AIG1: variants seen among roughly 807,000 people sequenced by gnomAD.
AIG1 encodes androgen induced 1.
AIG1 carries 23 observed loss-of-function variants against 31.4 expected under a neutral mutation model. That is an observed-to-expected ratio of 0.73 (90% CI 0.53 to 1.04). The LOEUF (loss-of-function observed/expected upper bound fraction) is 1.04. Ranked by LOEUF, AIG1 falls within the 50% of genes least tolerant of loss-of-function variation. The pLI is 0.00. For missense variants in AIG1, 274 were observed against 295.0 expected (o/e 0.93, Z 0.52); for synonymous variants, 100 against 110.5 (o/e 0.90, Z 0.60).
At position 143,149,532 on chromosome 6, in the gene AIG1, CAAAAAAAA is replaced by C. The variant is rs71767812; in HGVS notation, c.297+12560_297+12567del. 1.6e-3 allele frequency among the ~76,000 whole-genome samples: 64 copies of C among 40,020 alleles called. No individual in the cohort carries two copies. The East Asian group carries it at 0.022, about 14-fold the overall frequency. The allele number at this position is 40,020 out of a possible 152,430, so 26.3% of individuals were successfully genotyped here. A position where few individuals can be genotyped will look rare whatever the true frequency, so the allele number is the denominator to read the frequency against. On this transcript the variant is annotated intron_variant, in intron 2 of 5. Coordinates refer to ENST00000357847, the MANE Select transcript of AIG1 (RefSeq NM_016108.4). ...TGGGAGAGAGAGTGAGACTCTGTCT[CAAAAAAAA>C]AAAAAAAAAAAAAAAAAGAAAGAAA...
At position 143,258,626 on chromosome 6, in the gene AIG1, A is replaced by G. The variant is rs1237091962; in HGVS notation, c.400-25484A>G. ...GGGGCATGAAGTAGAATAGAGAAAGAAACCAAGGAAGGAACTAGCACAGTT... is the reference window on the plus strand; with the variant it reads ...GGGGCATGAAGTAGAATAGAGAAAGGAACCAAGGAAGGAACTAGCACAGTT... On this transcript the variant is annotated intron_variant, in intron 3 of 5. Transcript: ENST00000357847. This position sits in a 1 kb window ranked among gnomAD's most constrained non-coding sequence, Gnocchi z 4.7. 6.6e-6 allele frequency among the ~76,000 whole-genome samples: 1 copy of G among 152,272 alleles called. No homozygotes were observed. The highest frequency in any genetic ancestry group is 2.4e-5 in the African/African-American group (1 of 41,474).
intron 4 of AIG1, among the ~76,000 whole-genome samples, chr6:143,300,498 T>C (rs1473114359): frequency 6.6e-6 from 1 of 152,182 alleles, no homozygotes; most frequent in Non-Finnish European, 1.5e-5. Context: ...GGATTCCCAG[T>C]GTAATCTAGC....
chr6:143,142,254 T>C (rs76742073), intron 2 of AIG1, among the ~76,000 whole-genome samples: 1 of 151,976 alleles, frequency 6.6e-6, no homozygotes. Flanking sequence ...AAAAATTATT[T>C]TGGAGACAGG....
chr6:143,185,340 T>C (rs1789159041), intron 3 of AIG1, among the ~76,000 whole-genome samples: 1 of 152,168 alleles, frequency 6.6e-6, no homozygotes, highest in African/African-American at 2.4e-5. Flanking sequence ...ATGCCTCTTC[T>C]TAAGGTGCAG....
At chr6:143,216,832 A>T (rs1792069285) in intron 3 of AIG1, among the ~76,000 whole-genome samples, 1 of 152,162 alleles carries the variant, frequency 6.6e-6, no homozygotes, top group South Asian at 2.1e-4. Flanking sequence ...GAGAGGAGGA[A>T]TCTCAAACAG....
chr6:143,339,661 G>A lies in AIG1; in HGVS notation c.702G>A (p.Lys234=). Residue 234 remains lysine (K), a synonymous_variant, in exon 6 of 6, where the codon AAG becomes AAA. Transcript: ENST00000357847. The stretch of plus-strand genomic sequence containing the variant: ...TAGGTATGGAAGAAGAGAAAGAAAA[G>A]CCTAAATTGGAATGAGATCCAAGTC... ...TQKSMEEEKE[K]PKLE The A allele has an allele frequency of 6.2e-7, 1 of 1,613,204 alleles. No individual in the cohort carries two copies. Among genetic ancestry groups the A allele is most frequent in the Non-Finnish European group, 8.5e-7 (1 of 1,179,650 alleles).
intron 1 of AIG1, among the ~76,000 whole-genome samples, chr6:143,088,349 A>G (rs1778992081): frequency 6.6e-6 from 1 of 152,170 alleles, no homozygotes; most frequent in South Asian, 2.1e-4. Flanking sequence ...TAGAATAGGA[A>G]AATATACTCT....
chr6:143,098,060 A>C (rs1284995688), intron 1 of AIG1, among the ~76,000 whole-genome samples: 2 of 152,162 alleles, frequency 1.3e-5, no homozygotes, highest in African/African-American at 4.8e-5. Context: ...CTCTCATCTT[A>C]CACGAAACAA....
chr6:143,138,493 T>C (rs1049971013), intron 2 of AIG1, among the ~76,000 whole-genome samples: 1 of 152,182 alleles, frequency 6.6e-6, no homozygotes, highest in African/African-American at 2.4e-5. Context: ...ATTATATATA[T>C]CATGTATACA....
intron 1 of AIG1, among the ~76,000 whole-genome samples, chr6:143,103,501 C>CTTTTTTTTT (rs1173435325): frequency 2.4e-5 from 2 of 84,210 alleles, no homozygotes; most frequent in East Asian, 4.0e-4. Flanking sequence ...CAGAAGTTTT[C>CTTTTTTTTT]TTTTTTTTTT....
chr6:143,337,721 G>A (rs1056327022), intron 5 of AIG1, among the ~76,000 whole-genome samples: 2 of 152,132 alleles, frequency 1.3e-5, no homozygotes, highest in Non-Finnish European at 2.9e-5. Flanking sequence ...AGCTACCCGT[G>A]CAGGTCATTT....
intron 1 of AIG1, among the ~76,000 whole-genome samples, chr6:143,110,773 A>G (rs1781202596): frequency 1.3e-5 from 2 of 152,210 alleles, no homozygotes; most frequent in African/African-American, 4.8e-5. Flanking sequence ...CCTTAAAGGC[A>G]GCAGATGTGT....
intron 1 of AIG1, among the ~76,000 whole-genome samples, chr6:143,122,843 C>T (rs1013804761): frequency 1.3e-5 from 2 of 152,168 alleles, no homozygotes; most frequent in Non-Finnish European, 2.9e-5. Flanking sequence ...TTCCCTCCCA[C>T]CATACCTGTG....
chr6:143,128,495 A>G (rs964269718), intron 1 of AIG1, among the ~76,000 whole-genome samples: 23 of 152,228 alleles, frequency 1.5e-4, no homozygotes, highest in African/African-American at 5.3e-4. Context: ...AACGTAAAAT[A>G]ATAAGAGCAA....
intron 3 of AIG1, among the ~76,000 whole-genome samples, chr6:143,167,598 T>C (rs1324238986): frequency 6.6e-6 from 1 of 152,194 alleles, no homozygotes; most frequent in Non-Finnish European, 1.5e-5. Flanking sequence ...TTTGAACAAA[T>C]GGCTTATGAA....
intron 3 of AIG1, among the ~76,000 whole-genome samples, chr6:143,244,933 C>T (rs2128642513): frequency 6.6e-6 from 1 of 152,300 alleles, no homozygotes; most frequent in South Asian, 2.1e-4. Flanking sequence ...TAAATAGCTA[C>T]TCTAAGAAGG....
chr6:143,065,182 G>A (rs1268179206), intron 1 of AIG1, among the ~76,000 whole-genome samples: 1 of 152,102 alleles, frequency 6.6e-6, no homozygotes, highest in African/African-American at 2.4e-5. Flanking sequence ...GTGGTTTTTC[G>A]GTTGCCCCAG....
chr6:143,302,703 A>C (rs1384578710), intron 4 of AIG1, among the ~76,000 whole-genome samples: 7 of 152,202 alleles, frequency 4.6e-5, no homozygotes. Flanking sequence ...ATGTGTCTTT[A>C]TAGCAGCATG....
At chr6:143,208,077 A>T (rs1020263008) in intron 3 of AIG1, among the ~76,000 whole-genome samples, 1 of 152,164 alleles carries the variant, frequency 6.6e-6, no homozygotes, top group African/African-American at 2.4e-5. Flanking sequence ...TAAGGAATGC[A>T]CTGTAGAGGC....
Sources: allele counts gnomAD v4.1 joint callset (sites outside exome capture counted in the v4.1 genomes callset), GRCh38; gene constraint gnomAD v4.1.1; non-coding constraint Gnocchi (gnomAD v3.1); transcripts MANE v1.5; gene names NCBI Gene and HGNC (gene_info 2026-07-23, HGNC 2026-07-21).